Variants in SEMA3D observed in about 807,000 individuals in gnomAD.
SEMA3D encodes semaphorin-3D.
SEMA3D carries 84 observed loss-of-function variants against 100.1 expected under a neutral mutation model. That is an observed-to-expected ratio of 0.84 (90% CI 0.70 to 1.01). The LOEUF (loss-of-function observed/expected upper bound fraction) is 1.01. Among genes scored for constraint, SEMA3D ranks in the 50% least tolerant of loss-of-function variants. The pLI, the probability that SEMA3D is intolerant of heterozygous loss-of-function variation, is 0.00. For missense variants in SEMA3D, 875 were observed against 934.1 expected (o/e 0.94, Z 0.82); for synonymous variants, 312 against 320.7 (o/e 0.97, Z 0.29).
At chr7:85,135,802 A>G (rs1789848495) in intron 2 of SEMA3D, among the ~76,000 whole-genome samples, 1 of 150,786 alleles carries the variant, frequency 6.6e-6, no homozygotes, top group Non-Finnish European at 1.5e-5. Flanking sequence ...AAAAATTATA[A>G]TAAGAAAATG....
intron 2 of SEMA3D, 34 bp downstream of exon 2, chr7:85,153,573 CT>C (rs1790495756): frequency 6.6e-6 from 1 of 151,514 alleles, no homozygotes; most frequent in African/African-American, 2.4e-5. Flanking sequence ...ATCTATCTAT[CT>C]ATCTATTGAG....
intron 9 of SEMA3D, among the ~76,000 whole-genome samples, chr7:85,055,197 T>C (rs547239651): frequency 2.0e-5 from 3 of 152,164 alleles, no homozygotes; most frequent in Non-Finnish European, 4.4e-5. Flanking sequence ...TAATTTTACA[T>C]ATGTGATGTG....
At chr7:85,223,785 TA>T in the SEMA3D span, among the ~76,000 whole-genome samples, 1 of 151,736 alleles carries the variant, frequency 6.6e-6, no homozygotes, top group South Asian at 2.1e-4. Context: ...GGGTGCAGGA[TA>T]AAAGACTACA....
chr7:85,245,496 T>C, the SEMA3D span, among the ~76,000 whole-genome samples: 1 of 152,196 alleles, frequency 6.6e-6, no homozygotes, highest in Non-Finnish European at 1.5e-5. Flanking sequence ...CTCAAAAAAC[T>C]TTCCTCAGTA....
At chr7:85,070,692 T>C (rs569902258) in intron 6 of SEMA3D, among the ~76,000 whole-genome samples, 3 of 152,236 alleles carry the variant, frequency 2.0e-5, no homozygotes, top group African/African-American at 7.2e-5. Flanking sequence ...TTCATGGAAC[T>C]TGTAAATTTG....
intron 12 of SEMA3D, among the ~76,000 whole-genome samples, chr7:85,026,388 T>A (rs11980498): frequency 0.39 from 58,764 of 151,926 alleles, 12,596 homozygotes; most frequent in African/African-American, 0.59. Flanking sequence ...CTGATGCCTA[T>A]AATGAGATAT....
chr7:85,117,336 T>C (rs1425542936), intron 3 of SEMA3D, among the ~76,000 whole-genome samples: 4 of 152,198 alleles, frequency 2.6e-5, no homozygotes, highest in Non-Finnish European at 5.9e-5. Flanking sequence ...TTCCAAATTC[T>C]TGACCCAGAG....
chr7:85,231,704 C>T, the SEMA3D span, among the ~76,000 whole-genome samples: 34 of 152,244 alleles, frequency 2.2e-4, no homozygotes, highest in East Asian at 6.6e-3. Context: ...CCCCCCTCAG[C>T]CTCCCAAAGT....
rs1378252129 is a variant in SEMA3D, at chr7:85,081,514, T to C, written c.375+3A>G. 1 of 1,594,756 alleles carries C rather than the reference T, an allele frequency of 6.3e-7. No homozygotes were observed. The highest frequency in any genetic ancestry group is 1.3e-5 in the African/African-American group (1 of 74,590). ...AAGATAATTGTTACAGTTTCATACT[T>C]ACATTGGCATCTTTCCCAGCTAATT... On this transcript the variant is annotated splice_donor_region_variant and intron_variant, in intron 5 of 18. Coordinates refer to ENST00000284136, the MANE Select transcript of SEMA3D (RefSeq NM_001384900.1).
chr7:85,009,356 C>A (rs1789889392), intron 17 of SEMA3D, among the ~76,000 whole-genome samples: 1 of 151,470 alleles, frequency 6.6e-6, no homozygotes, highest in Non-Finnish European at 1.5e-5. Context: ...TAGCTTTTAA[C>A]AATTAAAGCA....
rs144281862 is a variant in SEMA3D, at chr7:85,042,293, G to GA, written c.862-9dup. The GA allele has an allele frequency of 8.6e-3, 11,602 of 1,350,436 alleles. 25 individuals carry two copies. The highest frequency in any genetic ancestry group is 0.033 in the African/African-American group (2,226 of 66,936). 83.7% of individuals were successfully genotyped at this position (1,350,436 alleles called of 1,614,324 possible). A position where few individuals can be genotyped will look rare whatever the true frequency, so the allele number is the denominator to read the frequency against. On this transcript the variant is annotated splice_polypyrimidine_tract_variant and intron_variant, in intron 9 of 18. Transcript: ENST00000284136. ...TTGTCCTCCTACATCATTCTGACAT[G>GA]AAAAAAAAAATAAAGATAAATATTT...
chr7:85,051,680 G>A (rs1355704602), intron 9 of SEMA3D, among the ~76,000 whole-genome samples: 1 of 151,840 alleles, frequency 6.6e-6, no homozygotes, highest in Non-Finnish European at 1.5e-5. Flanking sequence ...TTTTCAACTG[G>A]CTATTGTGCC....
rs1254926365 is a variant in SEMA3D at position 85,025,868 on chromosome 7, C to T, written c.1192-3255G>A. Among the ~76,000 whole-genome samples the T allele has an allele frequency of 2.0e-5, 3 of 152,014 alleles. No individual in the cohort carries two copies. The East Asian group carries it at 5.8e-4, about 30-fold the overall frequency. The stretch of plus-strand genomic sequence containing the variant: ...CAAACATACAGAGGTAATTTCTCTC[C>T]TTCCCTCTCCCTCTCCTTTTCTTTA... On this transcript the variant is annotated intron_variant, in intron 12 of 18. Coordinates refer to ENST00000284136, the MANE Select transcript of SEMA3D (RefSeq NM_001384900.1).
intron 2 of SEMA3D, among the ~76,000 whole-genome samples, chr7:85,153,120 A>G (rs1790477072): frequency 6.6e-6 from 1 of 152,136 alleles, no homozygotes; most frequent in Non-Finnish European, 1.5e-5. Flanking sequence ...TCCTCCCTGC[A>G]GAGCCCTACT....
rs191807780 is a variant in SEMA3D at position 85,030,867 on chromosome 7, T to C, written c.1191+6022A>G. Among the ~76,000 whole-genome samples, 26 of 152,142 alleles carry C rather than the reference T, an allele frequency of 1.7e-4. No homozygotes were observed. The East Asian group carries it at 2.5e-3, about 15-fold the overall frequency. ...TTCTATATCTGACCTGTATGATTGA[T>C]TCACTGTATTATGGACTTTTTAATA... On this transcript the variant is annotated intron_variant, in intron 12 of 18. Transcript: ENST00000284136.
intron 3 of SEMA3D, among the ~76,000 whole-genome samples, chr7:85,109,658 T>C (rs771174702): frequency 6.6e-6 from 1 of 152,016 alleles, no homozygotes; most frequent in Non-Finnish European, 1.5e-5. Context: ...TGTATATTAC[T>C]AGTTCTTAAG....
chr7:85,071,879 A>G (rs539195458), intron 6 of SEMA3D, among the ~76,000 whole-genome samples: 1 of 152,232 alleles, frequency 6.6e-6, no homozygotes, highest in Admixed American at 6.5e-5. Context: ...TTACATAAAC[A>G]TGAGGATGAC....
chr7:85,028,600 A>G, intron 12 of SEMA3D: 1 of 246,864 alleles, frequency 4.1e-6, no homozygotes, highest in Non-Finnish European at 7.9e-6. Flanking sequence ...CGTGAGAACA[A>G]GAGAGCTGTC....
At chr7:85,141,013 A>G (rs1790033465) in intron 2 of SEMA3D, 1 of 680,600 alleles carries the variant, frequency 1.5e-6, no homozygotes, top group Non-Finnish European at 1.8e-6. Context: ...AATCTAGTTT[A>G]TAAACTACTA....
Sources: allele counts gnomAD v4.1 joint callset (sites outside exome capture counted in the v4.1 genomes callset), GRCh38; gene constraint gnomAD v4.1.1; transcripts MANE v1.5; gene names NCBI Gene and HGNC (gene_info 2026-07-23, HGNC 2026-07-21).